The following SCLY variants were observed in gnomAD, a reference collection of about 807,000 sequenced individuals.
The protein encoded by SCLY is selenocysteine lyase.
A neutral mutation model predicts 50.1 loss-of-function variants in SCLY; 38 were observed. The observed-to-expected ratio is 0.76, with a 90% CI of 0.59 to 0.99. The LOEUF is 0.99. SCLY is among the 50% of genes least tolerant of loss of function. SCLY has a pLI of 0.00. For synonymous variants in SCLY, 243 were observed against 249.4 expected, an observed-to-expected ratio of 0.97 and a Z score of 0.24; for missense variants, 600 against 620.0, an observed-to-expected ratio of 0.97 and a Z score of 0.34.
chr2:238,065,137 C>T (rs1487926938), intron 2 of SCLY: 1 of 152,164 alleles, frequency 6.6e-6, no homozygotes, highest in African/African-American at 2.4e-5. Flanking sequence ...AGAATATTGC[C>T]AGGCCATACG....
intron 4 of SCLY, among the ~76,000 whole-genome samples, chr2:238,076,731 AAAAAAAAG>A (rs201751587): frequency 0.012 from 1,634 of 135,476 alleles, 28 homozygotes; most frequent in African/African-American, 0.04. Flanking sequence ...TTAAAAAAAA[AAAAAAAAG>A]AGTGTATTGT....
In SCLY at chr2:238,066,588, G is replaced by A. The variant is rs2065073328; in HGVS notation, c.203-1477G>A. On this transcript the variant is annotated intron_variant, in intron 2 of 11. Transcript: ENST00000254663. This position sits in a 1 kb window ranked among gnomAD's most constrained non-coding sequence, Gnocchi z 4.1. ...TCACAGCAGTGGCCTTGGCTTGGTT[G>A]GTGGCTGGGCGGTGGAGAGGCAGAG... is the stretch of plus-strand genomic sequence containing the variant. Among the ~76,000 whole-genome samples, 1 of 152,218 alleles carries A rather than the reference G, an allele frequency of 6.6e-6. No individual in the cohort carries two copies. Among genetic ancestry groups the A allele is most frequent in the South Asian group, 2.1e-4 (1 of 4,832 alleles).
intron 4 of SCLY, among the ~76,000 whole-genome samples, chr2:238,075,820 A>G (rs1008799244): frequency 6.6e-6 from 1 of 151,924 alleles, no homozygotes; most frequent in Non-Finnish European, 1.5e-5. Context: ...CTAACTTTTG[A>G]TTTTCCTGTG....
At chr2:238,064,077 A>C (rs1195417103) in intron 1 of SCLY, among the ~76,000 whole-genome samples, 1 of 152,204 alleles carries the variant, frequency 6.6e-6, no homozygotes, top group African/African-American at 2.4e-5. Flanking sequence ...GTGCCTTGCT[A>C]GAAAGAAATT....
chr2:238,095,053 A>C (rs1206549449), intron 10 of SCLY, among the ~76,000 whole-genome samples: 1 of 152,138 alleles, frequency 6.6e-6, no homozygotes, highest in Non-Finnish European at 1.5e-5. Flanking sequence ...ACTACAAAAA[A>C]TTAGCCAGGC....
Position 238,098,550 on chromosome 2 carries a change from A to C in SCLY, c.*195A>C. The C allele has an allele frequency of 4.1e-6, 2 of 485,694 alleles. No homozygotes were observed. Among genetic ancestry groups the C allele is most frequent in the African/African-American group, 6.3e-5 (1 of 15,860 alleles). 30.1% of individuals were successfully genotyped at this position (485,694 alleles called of 1,614,324 possible). ...CTGCAGAGCTCACAGGGCCCAGGAC[A>C]CCAACGCCGCATAGGACTGCCCACA... is the stretch of plus-strand genomic sequence containing the variant. On this transcript the variant is annotated 3_prime_UTR_variant, in exon 12 of 12. Transcript: ENST00000254663.
At chr2:238,095,648 G>C (rs1309546645) in intron 10 of SCLY, 11 of 152,330 alleles carry the variant, frequency 7.2e-5, no homozygotes, top group African/African-American at 2.6e-4. Context: ...ATGGAAAGGA[G>C]AGTTCTCTGT....
chr2:238,070,231 C>T (rs2065114797), intron 4 of SCLY, among the ~76,000 whole-genome samples: 1 of 152,234 alleles, frequency 6.6e-6, no homozygotes, highest in African/African-American at 2.4e-5. Flanking sequence ...AATTAATCAA[C>T]ACTATCCTTG....
In SCLY at chr2:238,069,506, CA is replaced by C; in HGVS notation, c.484+30del. ...AGTGAGTGCAGGGTGGCCCTGGGAC[CA>C]GCCTGCTGAGCTCCAGCTGCGAGGC... On this transcript the variant is annotated intron_variant, in intron 4 of 11. Transcript: ENST00000254663. This position sits in a 1 kb window ranked among gnomAD's most constrained non-coding sequence, Gnocchi z 5.0. 6.4e-7 allele frequency: 1 copy of C among 1,571,354 alleles called. No individual in the cohort carries two copies. Among genetic ancestry groups the C allele is most frequent in the Non-Finnish European group, 8.6e-7 (1 of 1,160,362 alleles).
chr2:238,093,980 G>C, intron 9 of SCLY, 36 bp downstream of exon 9: 3 of 1,575,456 alleles, frequency 1.9e-6, no homozygotes, highest in Non-Finnish European at 2.6e-6. Flanking sequence ...AGGAGGGGGA[G>C]GGTGCGTGGG....
intron 1 of SCLY, among the ~76,000 whole-genome samples, chr2:238,063,856 A>T (rs962865227): frequency 6.6e-6 from 1 of 152,230 alleles, no homozygotes; most frequent in Admixed American, 6.5e-5. Flanking sequence ...CAGCAGTCAG[A>T]TGGGTAATCT....
intron 8 of SCLY, 39 bp from the exon 9 acceptor site, chr2:238,093,822 C>T (rs1282302639): frequency 5.1e-6 from 8 of 1,583,834 alleles, no homozygotes; most frequent in South Asian, 2.3e-5. Flanking sequence ...CTTTATTTTG[C>T]AAGAATTGTG....
chr2:238,065,961 C>G (rs1365395357), intron 2 of SCLY, among the ~76,000 whole-genome samples: 6 of 152,102 alleles, frequency 3.9e-5, no homozygotes. Context: ...GTGTGAGCCA[C>G]CATGCCCAGC....
At chr2:238,071,661 C>A (rs925944160) in intron 4 of SCLY, among the ~76,000 whole-genome samples, 3 of 152,168 alleles carry the variant, frequency 2.0e-5, no homozygotes, top group Non-Finnish European at 4.4e-5. Context: ...ACCTCTGCAG[C>A]AGCAACCACT....
intron 2 of SCLY, among the ~76,000 whole-genome samples, chr2:238,065,856 G>A (rs2065067233): frequency 6.6e-6 from 1 of 151,908 alleles, no homozygotes; most frequent in Admixed American, 6.6e-5. Context: ...TGTATTTTTA[G>A]TAGAGACGGG....
In SCLY at chr2:238,064,371, A is replaced by G; in HGVS notation, c.104A>G (p.Asp35Gly). The change falls in exon 2 of 12, where the codon GAC becomes GGC. Residue 35 changes from aspartate (D) to glycine (G), a missense_variant. By Grantham distance (94) the Asp-to-Gly change is moderately conservative. Transcript: ENST00000254663. Reference protein sequence around the residue: ...HNSPERKVYMDYNATTPLEPE... With the variant: ...HNSPERKVYMGYNATTPLEPE... ...CTTTCCTTCAGGAAAGTTTATATGG[A>G]CTATAATGCAACGACTCCCCTGGAG... 6.2e-7 allele frequency: 1 copy of G among 1,605,390 alleles called. No homozygotes were observed. Among genetic ancestry groups the G allele is most frequent in the Non-Finnish European group, 8.5e-7 (1 of 1,176,566 alleles).
intron 8 of SCLY, chr2:238,091,542 A>G: frequency 1.1e-5 from 4 of 361,554 alleles, no homozygotes; most frequent in East Asian, 5.3e-5. Flanking sequence ...GTCAAGCTGC[A>G]GGTTCACCAT....
At chr2:238,077,170 C>G (rs2065182794) in intron 4 of SCLY, among the ~76,000 whole-genome samples, 1 of 152,030 alleles carries the variant, frequency 6.6e-6, no homozygotes, top group Admixed American at 6.5e-5. Context: ...TTTTGGTGCT[C>G]TATTGTTAGG....
intron 6 of SCLY, chr2:238,082,894 C>A: frequency 9.4e-6 from 3 of 320,428 alleles, no homozygotes; most frequent in South Asian, 5.7e-5. Flanking sequence ...CTGGTTCCAA[C>A]CCCTCTCTAT....
Sources: gnomAD v4.1 joint callset for allele counts (sites outside exome capture counted in the v4.1 genomes callset) on GRCh38, gnomAD v4.1.1 for gene constraint, Gnocchi (gnomAD v3.1) non-coding constraint, MANE v1.5 for transcripts, NCBI Gene and HGNC (gene_info 2026-07-23, HGNC 2026-07-21) for gene names.